PDE11A: variants seen among roughly 807,000 people sequenced by gnomAD.
The protein encoded by PDE11A is dual 3',5'-cyclic-AMP and -GMP phosphodiesterase 11A.
PDE11A carries 100 observed loss-of-function variants against 100.5 expected under a neutral mutation model. The ratio of observed to expected loss-of-function variants is 1.00; its 90% CI spans 0.85 to 1.18. The LOEUF (loss-of-function observed/expected upper bound fraction) is 1.18, where lower values mean the gene tolerates loss of function less well. Among genes scored for constraint, PDE11A ranks in the 50% most tolerant of loss-of-function variants. The pLI is 0.00. For synonymous variants in PDE11A, 381 were observed against 420.8 expected, an observed-to-expected ratio of 0.91 and a Z score of 1.16; for missense variants, 1,141 against 1,152.6, an observed-to-expected ratio of 0.99 and a Z score of 0.15.
At chr2:178,073,825 T>G (rs2087169647), upstream of PDE11A, among the ~76,000 whole-genome samples, 1 of 152,186 alleles carries the variant, frequency 6.6e-6, no homozygotes, top group African/African-American at 2.4e-5. Flanking sequence ...TTTCCAATTC[T>G]GTATTCAGTC....
intron 9 of PDE11A, among the ~76,000 whole-genome samples, chr2:177,790,359 C>T (rs1008889765): frequency 1.3e-5 from 2 of 151,536 alleles, no homozygotes; most frequent in African/African-American, 4.9e-5. Flanking sequence ...AAACTGGATC[C>T]CTTCCTTACA....
chr2:177,849,094 C>A (rs1380282760), intron 5 of PDE11A, among the ~76,000 whole-genome samples: 2 of 152,186 alleles, frequency 1.3e-5, no homozygotes, highest in South Asian at 2.1e-4. Context: ...AAGTGCTGGA[C>A]AGGAGTGAGC....
chr2:178,064,355 T>A (rs1211861565), intron 1 of PDE11A, among the ~76,000 whole-genome samples: 1 of 152,176 alleles, frequency 6.6e-6, no homozygotes, highest in Non-Finnish European at 1.5e-5. Context: ...AGGTTACCTT[T>A]TATGGACTGT....
intron 1 of PDE11A, among the ~76,000 whole-genome samples, chr2:178,026,506 C>T (rs2086480076): frequency 6.6e-6 from 1 of 151,698 alleles, no homozygotes; most frequent in Non-Finnish European, 1.5e-5. Flanking sequence ...ACTAAAAATA[C>T]AAAAATTAGC....
intron 13 of PDE11A, among the ~76,000 whole-genome samples, chr2:177,711,023 T>C (rs556026180): frequency 2.6e-5 from 4 of 152,218 alleles, no homozygotes; most frequent in Non-Finnish European, 4.4e-5. Flanking sequence ...GAAAGAAACA[T>C]TAACGGCAGA....
At chr2:177,769,885 CAAAAAAAAAAA>C (rs10572990) in intron 9 of PDE11A, among the ~76,000 whole-genome samples, 1 of 70,876 alleles carries the variant, frequency 1.4e-5, no homozygotes, top group Admixed American at 1.8e-4. Flanking sequence ...AAGACCCTAT[CAAAAAAAAAAA>C]AAAAAAAAAA....
chr2:177,916,122 C>T (rs146540709), intron 2 of PDE11A, among the ~76,000 whole-genome samples: 349 of 152,310 alleles, frequency 2.3e-3, no homozygotes, highest in African/African-American at 7.6e-3. Context: ...TCTTTTTCTA[C>T]GTTTCTGACA....
chr2:177,981,386 C>T (rs2085879985), intron 2 of PDE11A, among the ~76,000 whole-genome samples: 1 of 150,560 alleles, frequency 6.6e-6, no homozygotes, highest in Non-Finnish European at 1.5e-5. Flanking sequence ...CCCTTTGAGA[C>T]TGTAAAGGAA....
chr2:177,691,966 A>T (rs1281378418), intron 15 of PDE11A, among the ~76,000 whole-genome samples: 4 of 152,144 alleles, frequency 2.6e-5, no homozygotes, highest in Non-Finnish European at 5.9e-5. Flanking sequence ...TTGAAAATCC[A>T]CTTGTAACTG....
chr2:177,801,926 C>G (rs1174177953), intron 9 of PDE11A, among the ~76,000 whole-genome samples: 2 of 151,940 alleles, frequency 1.3e-5, no homozygotes, highest in Non-Finnish European at 2.9e-5. Flanking sequence ...AATGAATAAG[C>G]AAGCTGCAAA....
chr2:177,788,620 A>G (rs1303184426), intron 9 of PDE11A, among the ~76,000 whole-genome samples: 1 of 152,052 alleles, frequency 6.6e-6, no homozygotes. Context: ...TCAAAGGATC[A>G]ACAAAATTGA....
At chr2:177,647,427 C>A (rs575371649) in intron 19 of PDE11A, among the ~76,000 whole-genome samples, 5 of 152,142 alleles carry the variant, frequency 3.3e-5, no homozygotes, top group African/African-American at 9.6e-5. Flanking sequence ...CACTATAGGA[C>A]CTCAAAGAAT....
chr2:178,049,758 A>T (rs999463051), intron 1 of PDE11A, among the ~76,000 whole-genome samples: 1 of 152,088 alleles, frequency 6.6e-6, no homozygotes, highest in Admixed American at 6.5e-5. Flanking sequence ...CACTGCTATC[A>T]CAGCAGTCTG....
chr2:178,055,712 G>C (rs2086891695), intron 1 of PDE11A, among the ~76,000 whole-genome samples: 1 of 151,824 alleles, frequency 6.6e-6, no homozygotes, highest in Non-Finnish European at 1.5e-5. Flanking sequence ...GGAAAATAGT[G>C]GTTATCAAAG....
intron 2 of PDE11A, among the ~76,000 whole-genome samples, chr2:177,963,868 C>A (rs955050665): frequency 2.0e-5 from 3 of 152,102 alleles, no homozygotes; most frequent in African/African-American, 7.2e-5. Context: ...CCCCTTCAGA[C>A]TGGGTTAGGT....
At chr2:177,675,797 C>T (rs2080764479) in intron 16 of PDE11A, 2 of 565,640 alleles carry the variant, frequency 3.5e-6, no homozygotes, top group East Asian at 3.9e-5. Context: ...TTTCTGTACA[C>T]CTGAGCTAAG....
At chr2:177,946,704 C>A (rs1574299960) in intron 2 of PDE11A, among the ~76,000 whole-genome samples, 1 of 111,568 alleles carries the variant, frequency 9.0e-6, no homozygotes, top group Non-Finnish European at 2.0e-5. Context: ...CAGCCCCCCG[C>A]CCGGCCAGCC....
At chr2:177,904,415 G>A (rs1021868581) in intron 3 of PDE11A, among the ~76,000 whole-genome samples, 1 of 152,024 alleles carries the variant, frequency 6.6e-6, no homozygotes, top group African/African-American at 2.4e-5. Context: ...GGGAAGTGGG[G>A]GTAAGATCAT....
At chr2:178,032,483 CAA>C (rs11357476) in intron 1 of PDE11A, among the ~76,000 whole-genome samples, 228 of 128,300 alleles carry the variant, frequency 1.8e-3, no homozygotes, top group Middle Eastern at 7.9e-3. Flanking sequence ...GACCCCATCT[CAA>C]AAAAAAAAAA....
Sources: gnomAD v4.1 joint callset for allele counts (sites outside exome capture counted in the v4.1 genomes callset) on GRCh38, gnomAD v4.1.1 for gene constraint, MANE v1.5 for transcripts, NCBI Gene and HGNC (gene_info 2026-07-23, HGNC 2026-07-21) for gene names.